Variants in FAM118B observed in about 807,000 individuals in gnomAD.
FAM118B encodes the protein protein FAM118B.
FAM118B carries 24 observed loss-of-function variants against 38.5 expected under a neutral mutation model. That is an observed-to-expected ratio of 0.62 (90% CI 0.45 to 0.88). The LOEUF is 0.88. Among genes scored for constraint, FAM118B ranks in the 40% least tolerant of loss-of-function variants. FAM118B has a pLI of 0.00. For synonymous variants in FAM118B, 138 were observed against 156.3 expected (o/e 0.88, Z 0.87); for missense variants, 334 against 420.0 (o/e 0.80, Z 1.79).
chr11:126,262,794 C>T lies in FAM118B; in HGVS notation c.*661C>T, dbSNP rs1406571179. Reference sequence around the variant, plus strand: ...GGAGTGATCTCATTCTCAGGACAACCGTTTACTTACCTGATTCCTCGGAGC... The same window carrying T: ...GGAGTGATCTCATTCTCAGGACAACTGTTTACTTACCTGATTCCTCGGAGC... On this transcript the variant is annotated 3_prime_UTR_variant, in exon 9 of 9. Coordinates refer to ENST00000533050, the MANE Select transcript of FAM118B (RefSeq NM_024556.4). 3.3e-5 allele frequency: 5 copies of T among 152,656 alleles called. No homozygotes were observed. The South Asian group carries it at 6.2e-4, about 19-fold the overall frequency. The allele number at this position is 152,656 out of a possible 1,614,324, so 9.5% of individuals were successfully genotyped here.
Position 126,258,482 on chromosome 11 carries a change from G to A in FAM118B, c.982+1630G>A, listed in dbSNP as rs1950615975. On this transcript the variant is annotated intron_variant, in intron 7 of 8. Coordinates refer to ENST00000533050, the MANE Select transcript of FAM118B (RefSeq NM_024556.4). ...TCTTAACTGAATCAGATGGCTTCAAGTAGAATTCTCCTGTAATGAAAAATT... is the reference window on the plus strand; with the variant it reads ...TCTTAACTGAATCAGATGGCTTCAAATAGAATTCTCCTGTAATGAAAAATT... Among the ~76,000 whole-genome samples the A allele has an allele frequency of 2.0e-5, 3 of 152,316 alleles. No homozygotes were observed. In the South Asian group the frequency reaches 6.2e-4, roughly 32 times the overall value.
chr11:126,247,128 A>C (rs1950428161), intron 4 of FAM118B, among the ~76,000 whole-genome samples: 1 of 152,162 alleles, frequency 6.6e-6, no homozygotes, highest in Non-Finnish European at 1.5e-5. Flanking sequence ...CCCTGTCTGT[A>C]CGAAAAATTT....
At chr11:126,249,789 G>GCTGT (rs1950473352) in intron 4 of FAM118B, among the ~76,000 whole-genome samples, 1 of 151,520 alleles carries the variant, frequency 6.6e-6, no homozygotes, top group Non-Finnish European at 1.5e-5. Flanking sequence ...CACAATTAGG[G>GCTGT]CTGTGTCTCA....
At chr11:126,229,568 G>A (rs1399804736) in intron 2 of FAM118B, among the ~76,000 whole-genome samples, 1 of 151,988 alleles carries the variant, frequency 6.6e-6, no homozygotes, top group Non-Finnish European at 1.5e-5. Flanking sequence ...TCAGCCTCCC[G>A]AGTAGCTGGG....
chr11:126,249,292 A>T (rs906607924), intron 4 of FAM118B, among the ~76,000 whole-genome samples: 1 of 152,264 alleles, frequency 6.6e-6, no homozygotes, highest in Non-Finnish European at 1.5e-5. Context: ...TTTTTAATTT[A>T]AAAAACGTAT....
At chr11:126,251,893 G>A (rs569824778) in intron 5 of FAM118B, among the ~76,000 whole-genome samples, 10 of 152,090 alleles carry the variant, frequency 6.6e-5, no homozygotes, top group African/African-American at 2.4e-4. Flanking sequence ...TGTTGGTCAG[G>A]CTAGTCTCAA....
chr11:126,240,361 A>G (rs1257600590), intron 3 of FAM118B, among the ~76,000 whole-genome samples: 2 of 151,930 alleles, frequency 1.3e-5, no homozygotes, highest in African/African-American at 4.8e-5. Context: ...ACATTTCTCA[A>G]TAATAGGAAC....
chr11:126,226,974 T>A (rs1435954045), intron 1 of FAM118B, among the ~76,000 whole-genome samples: 1 of 148,402 alleles, frequency 6.7e-6, no homozygotes, highest in African/African-American at 2.5e-5. Flanking sequence ...AACACCTAGC[T>A]AGCATTTTGT....
intron 7 of FAM118B, chr11:126,260,396 A>G (rs1019339580): frequency 3.2e-4 from 47 of 145,034 alleles, no homozygotes; most frequent in African/African-American, 1.1e-3. Flanking sequence ...AAATATAGTG[A>G]TTTTTTTTTT....
intron 2 of FAM118B, chr11:126,233,618 G>A (rs1950234721): frequency 5.0e-6 from 2 of 400,176 alleles, no homozygotes. Flanking sequence ...GATTTGACTG[G>A]AAACATGATC....
chr11:126,237,725 C>T (rs1383065202), intron 3 of FAM118B, among the ~76,000 whole-genome samples: 3 of 143,450 alleles, frequency 2.1e-5, no homozygotes, highest in South Asian at 2.2e-4. Context: ...GGCGTGGTGG[C>T]GCGTGCCTGT....
intron 3 of FAM118B, among the ~76,000 whole-genome samples, chr11:126,237,379 C>A (rs987022473): frequency 6.7e-6 from 1 of 149,018 alleles, no homozygotes; most frequent in Non-Finnish European, 1.5e-5. Context: ...CTCTACCACA[C>A]CTGGCTAATT....
intron 7 of FAM118B, among the ~76,000 whole-genome samples, chr11:126,259,330 T>C (rs1299907022): frequency 1.3e-5 from 2 of 152,116 alleles, no homozygotes; most frequent in African/African-American, 2.4e-5. Context: ...AAGGATTCTA[T>C]AGTATGTAGT....
rs530676295 is a variant in FAM118B at position 126,240,961 on chromosome 11, G to C, written c.256G>C (p.Glu86Gln). 2.5e-6 allele frequency: 4 copies of C among 1,614,062 alleles called. No individual in the cohort carries two copies. The East Asian group carries it at 8.9e-5, about 36-fold the overall frequency. The stretch of plus-strand genomic sequence containing the variant: ...TGATTTTGATCTTTTAGAAGATGAG[G>C]AGAGCAAAAAGTTTCAGAAATGTCT... ...AIDFDLLEDE[E>Q]SKKFQKCLHE... The change falls in exon 4 of 9, where the codon GAG (glutamate) becomes CAG (glutamine). Residue 86 changes from glutamate to glutamine, a missense_variant. Physicochemically the swap from Glu to Gln is conservative, Grantham distance 29 (BLOSUM62 2). Around this residue, in one of 3 missense-constraint regions of FAM118B, gnomAD observed 240 missense variants for 295.9 expected, o/e 0.81. Coordinates refer to ENST00000533050, the MANE Select transcript of FAM118B (RefSeq NM_024556.4).
intron 1 of FAM118B, chr11:126,214,463 GCCA>G (rs1157617158): frequency 9.9e-6 from 1 of 101,150 alleles, no homozygotes; most frequent in Non-Finnish European, 1.9e-5. Context: ...CTGCAATACT[GCCA>G]CTGCAAAAAA....
Position 126,241,156 on chromosome 11 carries a change from T to C in FAM118B, c.339+112T>C, listed in dbSNP as rs998531476. The C allele has an allele frequency of 2.6e-6, 3 of 1,155,228 alleles. No individual in the cohort carries two copies. In the Admixed American group the frequency reaches 7.1e-5, roughly 27 times the overall value. 71.6% of individuals were successfully genotyped at this position (1,155,228 alleles called of 1,614,324 possible). A position where few individuals can be genotyped will look rare whatever the true frequency, so the allele number is the denominator to read the frequency against. ...ATGCCAAATGTAACAGGGATATTCA[T>C]TTACAGCTTGTAGGTTTCCATAACA... is the stretch of plus-strand genomic sequence containing the variant. On this transcript the variant is annotated intron_variant, in intron 4 of 8. Transcript: ENST00000533050.
chr11:126,226,477 A>G (rs912582065), intron 1 of FAM118B, among the ~76,000 whole-genome samples: 11 of 150,616 alleles, frequency 7.3e-5, no homozygotes, highest in African/African-American at 2.7e-4. Context: ...TGAGTTAGGC[A>G]GGCCAGAAAG....
At chr11:126,234,552 A>T (rs1216227333) in intron 2 of FAM118B, among the ~76,000 whole-genome samples, 3 of 152,196 alleles carry the variant, frequency 2.0e-5, no homozygotes, top group African/African-American at 7.2e-5. Context: ...TTGACTCAGT[A>T]ATTTCTTCAG....
chr11:126,229,081 T>TA (rs1477475705), intron 1 of FAM118B, 144 bp from the exon 2 acceptor site: 3 of 152,212 alleles, frequency 2.0e-5, no homozygotes, highest in African/African-American at 7.2e-5. Flanking sequence ...ATCTTGCCCT[T>TA]AAAGAGTTAT....
Sources: allele counts gnomAD v4.1 joint callset (sites outside exome capture counted in the v4.1 genomes callset), GRCh38; gene constraint gnomAD v4.1.1; regional missense constraint gnomAD v4.1.1; transcripts MANE v1.5; gene names NCBI Gene and HGNC (gene_info 2026-07-23, HGNC 2026-07-21).